Variants in FHL2 observed in about 807,000 individuals in gnomAD.
FHL2 encodes four and a half LIM domains 2.
In FHL2, 20 loss-of-function variants were observed where a neutral mutation model predicts 32.7. The observed-to-expected ratio is 0.61, with a 90% CI of 0.43 to 0.89. FHL2 has a LOEUF of 0.89. Ranked by LOEUF, FHL2 falls within the 40% of genes least tolerant of loss-of-function variation. The pLI is 0.00. For synonymous variants in FHL2, 123 were observed against 128.1 expected (o/e 0.96, Z 0.27); for missense variants, 311 against 358.6 (o/e 0.87, Z 1.07).
intron 3 of FHL2, chr2:105,378,414 C>G: frequency 2.9e-6 from 1 of 344,498 alleles, no homozygotes; most frequent in South Asian, 2.3e-5. Context: ...CTCAGGACAA[C>G]CTGGTCTGCT....
At chr2:105,362,050 A>G (rs1161615815) in intron 6 of FHL2, among the ~76,000 whole-genome samples, 2 of 152,224 alleles carry the variant, frequency 1.3e-5, no homozygotes, top group African/African-American at 4.8e-5. Flanking sequence ...TGCCACAATA[A>G]CCACAATTCA....
chr2:105,365,143 C>T (rs1023219160), intron 5 of FHL2, among the ~76,000 whole-genome samples: 3 of 152,166 alleles, frequency 2.0e-5, no homozygotes, highest in Non-Finnish European at 2.9e-5. Context: ...CTCAGAGACT[C>T]CTTCCCTCAA....
At chr2:105,414,307 A>G (rs933494002) in intron 1 of FHL2, among the ~76,000 whole-genome samples, 15 of 152,218 alleles carry the variant, frequency 9.9e-5, no homozygotes, top group Non-Finnish European at 2.1e-4. Context: ...TGGAGGCTTC[A>G]TTGCATAGGC....
At chr2:105,397,631 C>T (rs957312358) in intron 1 of FHL2, among the ~76,000 whole-genome samples, 1 of 152,320 alleles carries the variant, frequency 6.6e-6, no homozygotes, top group African/African-American at 2.4e-5. Context: ...CATCATTAGC[C>T]TTCATCGACA....
At chr2:105,373,510 A>G in intron 4 of FHL2, 49 bp downstream of exon 4, 1 of 1,607,084 alleles carries the variant, frequency 6.2e-7, no homozygotes, top group Non-Finnish European at 8.5e-7. Context: ...AACGTGCACA[A>G]GGCTTGAAGC....
chr2:105,374,893 G>A lies in FHL2; in HGVS notation c.157-1160C>T, dbSNP rs564681110. ...AGAAACAGAGTATTAGGCTCTGCAC[G>A]GTTTCCTGGGCAGGCTTCCAGTTGG... is the stretch of plus-strand genomic sequence containing the variant. On this transcript the variant is annotated intron_variant, in intron 3 of 6. Transcript: ENST00000530340. 8.1e-4 allele frequency among the ~76,000 whole-genome samples: 123 copies of A among 152,296 alleles called. 1 individual carries two copies. Among genetic ancestry groups the A allele is most frequent in the African/African-American group, 2.7e-3 (113 of 41,554 alleles).
chr2:105,387,870 GAC>G (rs1301793052), intron 2 of FHL2, among the ~76,000 whole-genome samples: 2 of 152,180 alleles, frequency 1.3e-5, no homozygotes, highest in African/African-American at 4.8e-5. Context: ...GCCCAGCGAT[GAC>G]AGATTGGATA....
In FHL2 at chr2:105,360,998, T is replaced by C. The variant is rs1680211291; in HGVS notation, c.*285A>G. ...AAATAGACAGTGAGAGAAAGATTTA[T>C]AAAGGCATCATTCAAAAGGATTTTT... On this transcript the variant is annotated 3_prime_UTR_variant, in exon 7 of 7. Coordinates refer to ENST00000530340, the MANE Select transcript of FHL2 (RefSeq NM_001318895.3). 1.1e-5 allele frequency: 3 copies of C among 281,590 alleles called. No individual in the cohort carries two copies. The highest frequency in any genetic ancestry group is 2.0e-5 in the Non-Finnish European group (3 of 150,490). The allele number at this position is 281,590 out of a possible 1,614,324, so 17.4% of individuals were successfully genotyped here.
At chr2:105,392,876 C>T (rs1382882939) in intron 2 of FHL2, among the ~76,000 whole-genome samples, 1 of 131,904 alleles carries the variant, frequency 7.6e-6, no homozygotes, top group Non-Finnish European at 1.6e-5. Context: ...CTGGAGTGCA[C>T]TGGCCCTATC....
At chr2:105,407,995 T>C (rs940671910) in intron 1 of FHL2, among the ~76,000 whole-genome samples, 104 of 152,330 alleles carry the variant, frequency 6.8e-4, no homozygotes, top group African/African-American at 2.1e-3. Flanking sequence ...TCTGTCTGCA[T>C]AAATGGTAAC....
At chr2:105,407,407 A>G (rs971451968) in intron 1 of FHL2, among the ~76,000 whole-genome samples, 12 of 151,828 alleles carry the variant, frequency 7.9e-5, no homozygotes, top group South Asian at 2.1e-4. Context: ...AAAAAAAAAA[A>G]AAGAAGAAGG....
chr2:105,416,465 C>T (rs571136482), intron 1 of FHL2, among the ~76,000 whole-genome samples: 14 of 152,314 alleles, frequency 9.2e-5, no homozygotes, highest in African/African-American at 3.1e-4. Context: ...ATCATCATCT[C>T]TCTCTATAAA....
intron 1 of FHL2, among the ~76,000 whole-genome samples, chr2:105,418,922 A>T (rs569817342): frequency 1.5e-4 from 23 of 152,358 alleles, no homozygotes; most frequent in African/African-American, 5.3e-4. Context: ...ATATGTATGT[A>T]TACACAGGAA....
chr2:105,379,254 G>C (rs1267048617), intron 3 of FHL2, among the ~76,000 whole-genome samples: 3 of 152,150 alleles, frequency 2.0e-5, no homozygotes, highest in Admixed American at 2.0e-4. Flanking sequence ...ACAGTTGCTG[G>C]TATGTATTAC....
At chr2:105,379,324 G>A (rs1681711432) in intron 3 of FHL2, among the ~76,000 whole-genome samples, 1 of 152,142 alleles carries the variant, frequency 6.6e-6, no homozygotes, top group South Asian at 2.1e-4. Context: ...AATGAGAAGA[G>A]TTGCCTCAAT....
rs77306497 is a variant in FHL2, at chr2:105,415,960, G to A, written c.-25+22439C>T. On this transcript the variant is annotated intron_variant, in intron 1 of 5. Coordinates refer to the FHL2 transcript ENST00000393352. ...TAGATGGGGAATATTAACAAGAATT[G>A]AAACTGTGTGTGGAACCATATTCAA... is the stretch of plus-strand genomic sequence containing the variant. Among the ~76,000 whole-genome samples the A allele has an allele frequency of 2.7e-3, 409 of 152,248 alleles. 2 individuals carry two copies. The highest frequency in any genetic ancestry group is 9.4e-3 in the African/African-American group (391 of 41,548).
intron 1 of FHL2, among the ~76,000 whole-genome samples, chr2:105,434,039 G>A (rs897684322): frequency 6.6e-6 from 1 of 151,818 alleles, no homozygotes; most frequent in Non-Finnish European, 1.5e-5. Context: ...TCTCCATATT[G>A]TTCACATTCC....
intron 1 of FHL2, chr2:105,397,010 GTT>G (rs35576785): frequency 7.7e-4 from 84 of 108,662 alleles, no homozygotes; most frequent in South Asian, 1.5e-3. Context: ...TATCTAGTCT[GTT>G]TTTTTTTTTT....
At position 105,360,833 on chromosome 2, in the gene FHL2, C is replaced by T. The variant is rs1204918723; in HGVS notation, c.*450G>A. The stretch of plus-strand genomic sequence containing the variant: ...TCTGTGCCTGGCAAAAGATTCTGTT[C>T]TGAATAACTTTATTGCAAGTCACAT... On this transcript the variant is annotated 3_prime_UTR_variant, in exon 7 of 7. Transcript: ENST00000530340. 6.4e-6 allele frequency: 1 copy of T among 155,476 alleles called. No individual in the cohort carries two copies. Among genetic ancestry groups the T allele is most frequent in the Non-Finnish European group, 1.4e-5 (1 of 70,134 alleles). 9.6% of individuals were successfully genotyped at this position (155,476 alleles called of 1,614,324 possible). A position where few individuals can be genotyped will look rare whatever the true frequency, so the allele number is the denominator to read the frequency against.
Sources: gnomAD v4.1 joint callset for allele counts (sites outside exome capture counted in the v4.1 genomes callset) on GRCh38, gnomAD v4.1.1 for gene constraint, MANE v1.5 for transcripts, NCBI Gene and HGNC (gene_info 2026-07-23, HGNC 2026-07-21) for gene names.